Variants in ZFHX3 observed in about 807,000 individuals in gnomAD.
ZFHX3 encodes the protein zinc finger homeobox 3.
In ZFHX3, 42 loss-of-function variants were observed where a neutral mutation model predicts 279.1. The observed-to-expected ratio is 0.15, with a 90% confidence interval of 0.12 to 0.19. The LOEUF is 0.19. Ranked by LOEUF, ZFHX3 falls within the 10% of genes least tolerant of loss-of-function variation. The pLI is 1.00. For synonymous variants in ZFHX3, 2,293 were observed against 1,957.8 expected (o/e 1.17, Z -4.52); for missense variants, 4,981 against 4,754.0 (o/e 1.05, Z -1.40).
chr16:73,179,452 A>C (rs1489600882), intron 5 of ZFHX3, among the ~76,000 whole-genome samples: 1 of 152,212 alleles, frequency 6.6e-6, no homozygotes, highest in Non-Finnish European at 1.5e-5. Flanking sequence ...GTTATATTGA[A>C]ATCAAGATGC....
intron 3 of ZFHX3, among the ~76,000 whole-genome samples, chr16:73,357,553 C>T (rs1446598918): frequency 1.3e-5 from 2 of 152,168 alleles, no homozygotes; most frequent in Non-Finnish European, 2.9e-5. Flanking sequence ...AGATGAGCTA[C>T]TTCAATGTCA....
intron 1 of ZFHX3, among the ~76,000 whole-genome samples, chr16:73,056,805 C>T (rs1965566069): frequency 6.6e-6 from 1 of 152,206 alleles, no homozygotes; most frequent in African/African-American, 2.4e-5. Context: ...CTCCCCTCGC[C>T]CACTGCCCAA....
intron 2 of ZFHX3, among the ~76,000 whole-genome samples, chr16:73,557,866 C>T (rs1200276286): frequency 6.6e-6 from 1 of 152,116 alleles, no homozygotes; most frequent in Non-Finnish European, 1.5e-5. Context: ...GGTTCACACA[C>T]CTGTGACACT....
At chr16:73,243,773 C>A (rs1428202126) in intron 5 of ZFHX3, among the ~76,000 whole-genome samples, 4 of 151,368 alleles carry the variant, frequency 2.6e-5, no homozygotes, top group Non-Finnish European at 5.9e-5. Flanking sequence ...TGTGTATAGT[C>A]TGTTCAGTGG....
At chr16:72,867,718 CA>C (rs1170398646) in intron 4 of ZFHX3, among the ~76,000 whole-genome samples, 1 of 16,568 alleles carries the variant, frequency 6.0e-5, no homozygotes, top group Non-Finnish European at 1.9e-4. Context: ...GACTCTTTGA[CA>C]GGGGAAAAAA....
In ZFHX3 at chr16:73,240,051, G is replaced by GTGTA. The variant is rs1555505680; in HGVS notation, c.-1104+16995_-1104+16996insTACA. Among the ~76,000 whole-genome samples, 414 of 148,158 alleles carry GTGTA rather than the reference G, an allele frequency of 2.8e-3. 1 individual carries two copies. The highest frequency in any genetic ancestry group is 0.01 in the Middle Eastern group (3 of 290). ...TGTGTGTGTGTGTGTGTGTGTGTGTGTATATCTATACATATAGTTACTTAA... is the reference window on the plus strand; with the variant it reads ...TGTGTGTGTGTGTGTGTGTGTGTGTGTGTATATATCTATACATATAGTTACTTAA... On this transcript the variant is annotated intron_variant, in intron 5 of 17. Coordinates refer to the ZFHX3 transcript ENST00000641206.
At chr16:72,850,198 G>C (rs2037581641) in intron 4 of ZFHX3, among the ~76,000 whole-genome samples, 2 of 152,108 alleles carry the variant, frequency 1.3e-5, no homozygotes, top group Non-Finnish European at 2.9e-5. Context: ...CCTGACCCCA[G>C]CCTCCCCAAG....
At position 73,334,113 on chromosome 16, in the gene ZFHX3, G is replaced by A. The variant is rs191113601; in HGVS notation, c.-1290-15777C>T. Reference sequence around the variant, plus strand: ...GAAAGAGGAAGGAGAAAGGGGACAGGAAGGTCTGCCCCAAAGGCAGCAGGG... The same window carrying A: ...GAAAGAGGAAGGAGAAAGGGGACAGAAAGGTCTGCCCCAAAGGCAGCAGGG... On this transcript the variant is annotated intron_variant, in intron 3 of 17. Transcript: ENST00000641206. Among the ~76,000 whole-genome samples, 547 of 152,314 alleles carry A rather than the reference G, an allele frequency of 3.6e-3. 1 individual carries two copies. The highest frequency in any genetic ancestry group is 0.012 in the African/African-American group (496 of 41,566).
In ZFHX3 at chr16:72,858,452, G is replaced by A. The variant is rs75071260; in HGVS notation, c.3449-28593C>T. Among the ~76,000 whole-genome samples, 451 of 152,230 alleles carry A rather than the reference G, an allele frequency of 3.0e-3. 22 individuals carry two copies. In the East Asian group the frequency reaches 0.081, roughly 27 times the overall value. ...GGGGGAAAATGTCCTTCAAACAAAAGGATGAGGTGAAAATAAAGAGAGAGT... is the reference window on the plus strand; with the variant it reads ...GGGGGAAAATGTCCTTCAAACAAAAAGATGAGGTGAAAATAAAGAGAGAGT... On this transcript the variant is annotated intron_variant, in intron 4 of 9. Transcript: ENST00000268489.
chr16:73,786,382 A>G (rs987752135), intron 1 of ZFHX3, among the ~76,000 whole-genome samples: 1 of 151,894 alleles, frequency 6.6e-6, no homozygotes, highest in Non-Finnish European at 1.5e-5. Context: ...CTATTGATTC[A>G]TATTATAAAA....
chr16:72,998,638 A>G (rs1224199099), intron 1 of ZFHX3, among the ~76,000 whole-genome samples: 1 of 152,224 alleles, frequency 6.6e-6, no homozygotes, highest in East Asian at 1.9e-4. Context: ...ATACTGCAGT[A>G]ATGTAAAACC....
chr16:73,023,642 C>T (rs1026767265), intron 1 of ZFHX3, among the ~76,000 whole-genome samples: 1 of 152,228 alleles, frequency 6.6e-6, no homozygotes, highest in African/African-American at 2.4e-5. Context: ...CAGGTAGGAC[C>T]CTCTGCTTTG....
At chr16:73,587,675 T>C (rs555309524) in intron 2 of ZFHX3, among the ~76,000 whole-genome samples, 1 of 152,314 alleles carries the variant, frequency 6.6e-6, no homozygotes, top group East Asian at 1.9e-4. Context: ...TTTGGAGCAC[T>C]TTCCAATAAA....
chr16:72,895,078 G>A (rs2038865593), intron 3 of ZFHX3, among the ~76,000 whole-genome samples: 1 of 152,222 alleles, frequency 6.6e-6, no homozygotes. Flanking sequence ...GCGGGGGTTT[G>A]TTTCGGTTTG....
intron 3 of ZFHX3, among the ~76,000 whole-genome samples, chr16:73,410,610 G>A (rs937880876): frequency 2.0e-5 from 3 of 152,128 alleles, no homozygotes; most frequent in African/African-American, 7.2e-5. Flanking sequence ...CCACAATTAA[G>A]AAAAAAGTCT....
In ZFHX3 at chr16:73,568,694, G is replaced by A. The variant is rs191982172; in HGVS notation, c.-1547+111486C>T. Among the ~76,000 whole-genome samples, 357 of 152,294 alleles carry A rather than the reference G, an allele frequency of 2.3e-3. 2 individuals are homozygous for A. Among genetic ancestry groups the A allele is most frequent in the African/African-American group, 8.2e-3 (340 of 41,554 alleles). On this transcript the variant is annotated intron_variant, in intron 2 of 17. Coordinates refer to the ZFHX3 transcript ENST00000641206. ...TTCACCACCGTCATTGCCATTGTGC[G>A]AGGCTGCAGCATGGAGCTGGCCCCC...
intron 1 of ZFHX3, among the ~76,000 whole-genome samples, chr16:73,780,474 A>T: frequency 7.0e-6 from 1 of 142,684 alleles, no homozygotes; most frequent in African/African-American, 2.6e-5. Flanking sequence ...ACAGAGTCTC[A>T]CTCTGCCACC....
intron 2 of ZFHX3, among the ~76,000 whole-genome samples, chr16:73,542,533 A>G (rs1335558723): frequency 6.6e-6 from 1 of 152,150 alleles, no homozygotes; most frequent in Admixed American, 6.5e-5. Flanking sequence ...CAGTGTCACA[A>G]ACTAGACTCT....
Position 72,832,496 on chromosome 16 carries a change from T to A in ZFHX3, c.3449-2637A>T, listed in dbSNP as rs556243764. Among the ~76,000 whole-genome samples the A allele has an allele frequency of 3.0e-4, 45 of 152,332 alleles. 1 individual carries two copies. In the South Asian group the frequency reaches 6.6e-3, roughly 22 times the overall value. ...AACTTATTTTGCTTATCTCTTTTTT[T>A]AAAAAGATTTACAAATCAAGTCCTC... On this transcript the variant is annotated intron_variant, in intron 4 of 9. Coordinates refer to ENST00000268489, the MANE Select transcript of ZFHX3 (RefSeq NM_006885.4).
Sources: allele counts gnomAD v4.1 joint callset (sites outside exome capture counted in the v4.1 genomes callset), GRCh38; gene constraint gnomAD v4.1.1; transcripts MANE v1.5; gene names NCBI Gene and HGNC (gene_info 2026-07-23, HGNC 2026-07-21).